LMX1A: variants seen among roughly 807,000 people sequenced by gnomAD.
The protein encoded by LMX1A is LIM homeobox transcription factor 1-alpha.
LMX1A carries 15 observed loss-of-function variants against 49.1 expected under a neutral mutation model. The observed-to-expected ratio is 0.31, with a 90% CI of 0.20 to 0.47. The LOEUF is 0.47. Ranked by LOEUF, LMX1A falls within the 20% of genes least tolerant of loss-of-function variation. The pLI is 1.00. For synonymous variants in LMX1A, 167 were observed against 185.7 expected, an observed-to-expected ratio of 0.90 and a Z score of 0.82; for missense variants, 372 against 475.8, an observed-to-expected ratio of 0.78 and a Z score of 2.03.
At chr1:165,210,050 C>T (rs560328580) in intron 6 of LMX1A, among the ~76,000 whole-genome samples, 46 of 152,336 alleles carry the variant, frequency 3.0e-4, no homozygotes, top group African/African-American at 9.9e-4. Context: ...AAGCATTCTG[C>T]GCTGATTGTT....
At chr1:165,267,129 C>A (rs1653651741) in intron 3 of LMX1A, among the ~76,000 whole-genome samples, 2 of 152,162 alleles carry the variant, frequency 1.3e-5, no homozygotes, top group South Asian at 4.1e-4. Context: ...CCAAATAAAA[C>A]CCTTTTCCCA....
At chr1:165,321,743 A>T (rs1363946388) in intron 3 of LMX1A, among the ~76,000 whole-genome samples, 1 of 152,202 alleles carries the variant, frequency 6.6e-6, no homozygotes, top group East Asian at 1.9e-4. Context: ...TCAACAAAAG[A>T]AAAAATAAAT....
chr1:165,324,164 G>A (rs963673113), intron 3 of LMX1A, among the ~76,000 whole-genome samples: 2 of 152,216 alleles, frequency 1.3e-5, no homozygotes, highest in African/African-American at 2.4e-5. Flanking sequence ...TGATTACTTA[G>A]CAGTGCCTGC....
chr1:165,289,242 T>TA (rs36056880), intron 3 of LMX1A, among the ~76,000 whole-genome samples: 1,856 of 147,878 alleles, frequency 0.013, 36 homozygotes, highest in African/African-American at 0.044. Context: ...TGATTATTGA[T>TA]AAAAAAAAAA....
intron 3 of LMX1A, among the ~76,000 whole-genome samples, chr1:165,334,282 T>C (rs886840036): frequency 2.6e-5 from 4 of 152,170 alleles, no homozygotes; most frequent in African/African-American, 9.7e-5. Context: ...CAAGCAAAAA[T>C]GAATAGACAC....
In LMX1A at chr1:165,322,514, G is replaced by A. The variant is rs79612895; in HGVS notation, c.263+30562C>T. ...TACCCATAAAAAGGAACGTAGTACT[G>A]ATACATGCTCCAGCATGGATGAACC... is the stretch of plus-strand genomic sequence containing the variant. On this transcript the variant is annotated intron_variant, in intron 3 of 8. Transcript: ENST00000342310. Among the ~76,000 whole-genome samples, 27 of 152,294 alleles carry A rather than the reference G, an allele frequency of 1.8e-4. No individual in the cohort carries two copies. In the East Asian group the frequency reaches 5.0e-3, roughly 28 times the overall value.
intron 3 of LMX1A, among the ~76,000 whole-genome samples, chr1:165,348,613 A>T (rs973714912): frequency 2.0e-5 from 3 of 152,110 alleles, no homozygotes; most frequent in Non-Finnish European, 4.4e-5. Flanking sequence ...GTAAAGCAAA[A>T]ATGTAACAAT....
chr1:165,278,663 C>A (rs1654044670), intron 3 of LMX1A, among the ~76,000 whole-genome samples: 1 of 152,198 alleles, frequency 6.6e-6, no homozygotes, highest in Admixed American at 6.5e-5. Context: ...TCTGGCCTAC[C>A]TCCTAGTTTG....
At chr1:165,242,011 G>A (rs944462871) in intron 4 of LMX1A, among the ~76,000 whole-genome samples, 3 of 152,208 alleles carry the variant, frequency 2.0e-5, no homozygotes, top group Admixed American at 6.5e-5. Flanking sequence ...CAGATGTGAG[G>A]AATCTTCTTT....
At chr1:165,210,797 A>G (rs1316471173) in intron 5 of LMX1A, 21 bp from the exon 6 acceptor site, 9 of 1,588,972 alleles carry the variant, frequency 5.7e-6, no homozygotes, top group Non-Finnish European at 6.0e-6. Flanking sequence ...TTGAACGAGA[A>G]ATGTAGACAC....
intron 3 of LMX1A, among the ~76,000 whole-genome samples, chr1:165,336,805 G>A (rs1207373662): frequency 6.6e-6 from 1 of 152,180 alleles, no homozygotes; most frequent in East Asian, 1.9e-4. Flanking sequence ...AGACTTGTGA[G>A]CGAAACAATA....
chr1:165,284,846 G>A (rs918206775), intron 3 of LMX1A, among the ~76,000 whole-genome samples: 8 of 152,220 alleles, frequency 5.3e-5, no homozygotes, highest in Non-Finnish European at 1.2e-4. Context: ...AGCACATGGA[G>A]AGATGGGAGG....
rs963454798 is a variant in LMX1A at position 165,270,036 on chromosome 1, C to T, written c.264-20396G>A. The stretch of plus-strand genomic sequence containing the variant: ...AAACCTGCAAATCCTGCACATGCAC[C>T]CCAAAACTTAAAAAAAATATATTAA... On this transcript the variant is annotated intron_variant, in intron 3 of 8. Coordinates refer to ENST00000342310, the MANE Select transcript of LMX1A (RefSeq NM_177398.4). 4.6e-5 allele frequency among the ~76,000 whole-genome samples: 7 copies of T among 151,934 alleles called. No homozygotes were observed. The South Asian group carries it at 1.5e-3, about 32-fold the overall frequency.
intron 3 of LMX1A, among the ~76,000 whole-genome samples, chr1:165,342,794 C>G (rs1656116660): frequency 6.6e-6 from 1 of 151,904 alleles, no homozygotes; most frequent in South Asian, 2.1e-4. Flanking sequence ...GCTGGTTCAA[C>G]AGGACAAACT....
At chr1:165,204,077 A>G (rs771281621) in intron 8 of LMX1A, 37 bp from the exon 9 acceptor site, 9 of 1,607,502 alleles carry the variant, frequency 5.6e-6, no homozygotes, top group East Asian at 4.5e-5. Context: ...GAGGGTCTTG[A>G]AGAAGTGACT....
At chr1:165,324,108 G>A (rs1433789985) in intron 3 of LMX1A, among the ~76,000 whole-genome samples, 1 of 152,202 alleles carries the variant, frequency 6.6e-6, no homozygotes, top group African/African-American at 2.4e-5. Flanking sequence ...CTGGCACATC[G>A]CAGGCATTCA....
Position 165,205,960 on chromosome 1 carries a change from G to T in LMX1A, c.892C>A (p.Gln298Lys), listed in dbSNP as rs1436876754. The change falls in exon 8 of 9, where the codon CAG becomes AAG. Residue 298 changes from glutamine to lysine, a missense_variant. By Grantham distance (53) the Gln-to-Lys change is moderately conservative. This residue lies in a region of LMX1A where 127 missense variants were observed against 138.0 expected (regional missense o/e 0.92). Transcript: ENST00000342310. ...ACACTCTGCTCGATGGCCAGGAGCT[G>T]CTGTGGGGTGGGCAGAGCCGTGTAG... The part of the protein sequence containing the change: ...NPYTALPTPQ[Q>K]LLAIEQSVYS... 2 of 1,613,556 alleles carry T rather than the reference G, an allele frequency of 1.2e-6. No homozygotes were observed. The highest frequency in any genetic ancestry group is 2.7e-5 in the African/African-American group (2 of 74,904).
At chr1:165,209,651 T>C (rs2102598549) in intron 6 of LMX1A, among the ~76,000 whole-genome samples, 1 of 152,304 alleles carries the variant, frequency 6.6e-6, no homozygotes, top group South Asian at 2.1e-4. Flanking sequence ...AGGGAGGGCA[T>C]GGAAGCTTCA....
At chr1:165,248,888 C>A (rs1329643670) in intron 4 of LMX1A, among the ~76,000 whole-genome samples, 1 of 152,168 alleles carries the variant, frequency 6.6e-6, no homozygotes, top group Non-Finnish European at 1.5e-5. Context: ...TTTGCTTTGG[C>A]CCATGGAATA....
Sources: allele counts gnomAD v4.1 joint callset (sites outside exome capture counted in the v4.1 genomes callset), GRCh38; gene constraint gnomAD v4.1.1; regional missense constraint gnomAD v4.1.1; transcripts MANE v1.5; gene names NCBI Gene and HGNC (gene_info 2026-07-23, HGNC 2026-07-21).